The following RTL1 variants were observed in gnomAD, a reference collection of about 807,000 sequenced individuals.
RTL1 encodes retrotransposon Gag like 1, also known as retrotransposon-like protein 1.
For synonymous variants in RTL1, 727 were observed against 748.4 expected (o/e 0.97, Z 0.47); for missense variants, 1,681 against 1,767.5 (o/e 0.95, Z 0.88).
intron 3 of RTL1, among the ~76,000 whole-genome samples, chr14:100,892,550 G>T (rs567567697): frequency 2.6e-5 from 4 of 152,332 alleles, no homozygotes; most frequent in Admixed American, 2.6e-4. Context: ...AGCATTTCAT[G>T]CATGGTGTCA....
At position 100,880,749 on chromosome 14, in the gene RTL1, T is replaced by C; in HGVS notation, c.4040A>G (p.Glu1347Gly). 1 of 1,550,858 alleles carries C rather than the reference T, an allele frequency of 6.4e-7. No individual in the cohort carries two copies. The highest frequency in any genetic ancestry group is 1.2e-5 in the South Asian group (1 of 84,054). Residue 1347 changes from glutamate (E) to glycine (G), a missense_variant, in exon 4 of 4, where the codon GAG becomes GGG. By Grantham distance (98) the Glu-to-Gly change is moderately conservative. Transcript: ENST00000649591. ...SQPREQARLE[E>G]LPDEDEDANL... The stretch of plus-strand genomic sequence containing the variant: ...AGCATCTTCGTCCTCATCAGGCAGC[T>C]CTTCTAGCCTTGCCTGCTCCCTGGG...
In RTL1 at chr14:100,883,707, A is replaced by C; in HGVS notation, c.1082T>G (p.Leu361Arg). 1 of 1,551,604 alleles carries C rather than the reference A, an allele frequency of 6.4e-7. No individual in the cohort carries two copies. Among genetic ancestry groups the C allele is most frequent in the Non-Finnish European group, 8.7e-7 (1 of 1,146,984 alleles). Residue 361 changes from leucine to arginine, a missense_variant, in exon 4 of 4, where the codon CTG becomes CGG. By Grantham distance (102) the Leu-to-Arg change is moderately radical (BLOSUM62 -2). Coordinates refer to ENST00000649591, the MANE Select transcript of RTL1 (RefSeq NM_001134888.3). This position sits in a 1 kb window ranked among gnomAD's most constrained non-coding sequence, Gnocchi z 5.9. ...CCTGAGCATAGCTCTTCTCTCTGCC[A>C]GCTTCTCTTCTATTTGCAGGATGAG... ...IVLILQIEEK[L>R]AERRAMLRLP...
At chr14:100,897,194 A>T (rs929985779) in intron 2 of RTL1, among the ~76,000 whole-genome samples, 2 of 152,216 alleles carry the variant, frequency 1.3e-5, no homozygotes, top group Non-Finnish European at 2.9e-5. Flanking sequence ...GTGTCTGCAG[A>T]ACTTGCTCTG....
In RTL1 at chr14:100,882,653, A is replaced by G. The variant is rs1341453619; in HGVS notation, c.2136T>C (p.Pro712=). Residue 712 remains proline (P), a synonymous_variant, in exon 4 of 4, where the codon CCT becomes CCC. Coordinates refer to ENST00000649591, the MANE Select transcript of RTL1 (RefSeq NM_001134888.3). ...PFALSPDPII[P]QNVIHFILKD... ...TTAGGATGAAGTGAATCACGTTCTGAGGTATGATAGGGTCTGGGGAGAGCG... is the reference window on the plus strand; with the variant it reads ...TTAGGATGAAGTGAATCACGTTCTGGGGTATGATAGGGTCTGGGGAGAGCG... The G allele has an allele frequency of 3.9e-6, 6 of 1,551,930 alleles. No individual in the cohort carries two copies. The South Asian group carries it at 7.1e-5, about 18-fold the overall frequency.
chr14:100,883,172 C>A lies in RTL1; in HGVS notation c.1617G>T (p.Pro539=). The change falls in exon 4 of 4, where the codon CCG becomes CCT. Residue 539 remains proline (P), a synonymous_variant. Transcript: ENST00000649591. This position sits in a 1 kb window ranked among gnomAD's most constrained non-coding sequence, Gnocchi z 5.9. ...YCLKNCFRPP[P]PCIALERHGM... is the part of the protein sequence containing the mutation. ...CGTGCCTCTCTAGGGCAATGCATGG[C>A]GGGGGCGGGCGGAAGCAGTTCTTCA... The A allele has an allele frequency of 6.3e-7, 1 of 1,581,080 alleles. No individual in the cohort carries two copies. Among genetic ancestry groups the A allele is most frequent in the South Asian group, 1.1e-5 (1 of 87,870 alleles).
At chr14:100,902,390 A>G (rs1244188249) in intron 2 of RTL1, among the ~76,000 whole-genome samples, 2 of 152,156 alleles carry the variant, frequency 1.3e-5, no homozygotes, top group Non-Finnish European at 2.9e-5. Flanking sequence ...CCTGGGACAG[A>G]GCCCTTTGCC....
chr14:100,901,324 T>C (rs1403061337), intron 2 of RTL1, among the ~76,000 whole-genome samples: 1 of 152,190 alleles, frequency 6.6e-6, no homozygotes, highest in African/African-American at 2.4e-5. Flanking sequence ...CACACACACA[T>C]GCTGAGTGCC....
At chr14:100,898,899 C>G (rs1219224955) in intron 2 of RTL1, 1 of 152,254 alleles carries the variant, frequency 6.6e-6, no homozygotes, top group Non-Finnish European at 1.5e-5. Context: ...TTGCATTTTT[C>G]TAGAATTGAT....
chr14:100,882,005 C>A lies in RTL1; in HGVS notation c.2784G>T (p.Arg928=). Residue 928 remains arginine, a synonymous_variant, in exon 4 of 4, where the codon CGG becomes CGT. Transcript: ENST00000649591. ...SQAEMKILPI[R]AAFMVWCRYL... ...AGCGGCACCACACCATGAAGGCAGC[C>A]CGTATTGGAAGAATCTTCATCTCCG... is the stretch of plus-strand genomic sequence containing the variant. 6.2e-7 allele frequency: 1 copy of A among 1,613,560 alleles called. No individual in the cohort carries two copies. The highest frequency in any genetic ancestry group is 8.5e-7 in the Non-Finnish European group (1 of 1,179,814).
chr14:100,896,751 A>G (rs559971539), intron 2 of RTL1, among the ~76,000 whole-genome samples: 2 of 152,270 alleles, frequency 1.3e-5, no homozygotes, highest in Non-Finnish European at 2.9e-5. Flanking sequence ...AGTCGGGAAG[A>G]AACATGGCAG....
At position 100,880,646 on chromosome 14, in the gene RTL1, G is replaced by T; in HGVS notation, c.*66C>A. ...AGCAGGCTGAGGCGCGGGGAGGCCA[G>T]GGGACGTCGGGAGGTGTTGGGGTGA... On this transcript the variant is annotated 3_prime_UTR_variant, in exon 4 of 4. Transcript: ENST00000649591. 6.5e-7 allele frequency: 1 copy of T among 1,538,668 alleles called. No individual in the cohort carries two copies. The highest frequency in any genetic ancestry group is 1.2e-5 in the South Asian group (1 of 81,726).
chr14:100,901,898 A>G (rs572048148), intron 2 of RTL1, among the ~76,000 whole-genome samples: 23 of 152,300 alleles, frequency 1.5e-4, no homozygotes, highest in African/African-American at 5.1e-4. Flanking sequence ...GCCCAGGGCA[A>G]GCTACTCGGG....
intron 2 of RTL1, among the ~76,000 whole-genome samples, chr14:100,897,296 A>T (rs906821713): frequency 5.9e-5 from 9 of 152,224 alleles, no homozygotes; most frequent in Non-Finnish European, 1.0e-4. Context: ...CCACAGGCGA[A>T]CAAGCAAATT....
chr14:100,879,838 C>T lies in RTL1; in HGVS notation c.*874G>A, dbSNP rs2038581766. ...GGTGGGGAAGGGTCTACTCCCCTTG[C>T]AAAGCGGTGGTGTGGCCAGAGCCTC... On this transcript the variant is annotated 3_prime_UTR_variant, in exon 4 of 4. Transcript: ENST00000649591. Among the ~76,000 whole-genome samples the T allele has an allele frequency of 6.6e-6, 1 of 151,884 alleles. No individual in the cohort carries two copies. Among genetic ancestry groups the T allele is most frequent in the Non-Finnish European group, 1.5e-5 (1 of 67,984 alleles).
In RTL1 at chr14:100,883,517, C is replaced by A. The variant is rs763881276; in HGVS notation, c.1272G>T (p.Ala424=). The A allele has an allele frequency of 1.3e-6, 2 of 1,551,358 alleles. No individual in the cohort carries two copies. The highest frequency in any genetic ancestry group is 1.7e-6 in the Non-Finnish European group (2 of 1,146,986). Residue 424 remains alanine, a synonymous_variant, in exon 4 of 4, where the codon GCG becomes GCT. Coordinates refer to ENST00000649591, the MANE Select transcript of RTL1 (RefSeq NM_001134888.3). This position sits in a 1 kb window ranked among gnomAD's most constrained non-coding sequence, Gnocchi z 5.9. ...CTCCCGAATCCACCAGGGCCTGGAC[C>A]GCGACGCTGTGGTAGGGGTTCACTC... ...MVRVNPYHSV[A]VQALVDSGAD...
rs546784730 is a variant in RTL1, at chr14:100,881,548, G to A, written c.3241C>T (p.Arg1081Ter). The change falls in exon 4 of 4, where the codon CGA becomes TGA. Residue 1081 changes from arginine (R) to a stop codon, truncating the protein, a stop_gained. Transcript: ENST00000649591. LOFTEE classifies it low-confidence loss of function (END_TRUNC). The surrounding 1 kb of genome is among the most constrained non-coding windows in gnomAD (Gnocchi z 6.6). ...QIRAVILHFF[R>*]GLLYWKNTLA... ...GTGTTCTTCCAGTACAGGAGGCCTC[G>A]GAAGAAGTGCAGAATGACGGCCCTG... 3.2e-6 allele frequency: 5 copies of A among 1,551,756 alleles called. No individual in the cohort carries two copies. Among genetic ancestry groups the A allele is most frequent in the African/African-American group, 2.7e-5 (2 of 73,186 alleles).
chr14:100,885,697 TCTC>T (rs2038688603), intron 3 of RTL1, among the ~76,000 whole-genome samples: 2 of 152,152 alleles, frequency 1.3e-5, no homozygotes, highest in African/African-American at 4.8e-5. Flanking sequence ...CTTCAAATAA[TCTC>T]CTTCTCTTCC....
At chr14:100,891,536 C>T (rs1465303477) in intron 3 of RTL1, among the ~76,000 whole-genome samples, 1 of 152,216 alleles carries the variant, frequency 6.6e-6, no homozygotes, top group African/African-American at 2.4e-5. Flanking sequence ...TGCCTGGGCC[C>T]AGCAGCGCTC....
At position 100,883,718 on chromosome 14, in the gene RTL1, T is replaced by C. The variant is rs1249140621; in HGVS notation, c.1071A>G (p.Ile357Met). ...CTCTTCTCTCTGCCAGCTTCTCTTC[T>C]ATTTGCAGGATGAGCACAATCAGAC... The part of the protein sequence containing the change: ...LDSLIVLILQ[I>M]EEKLAERRAM... The change falls in exon 4 of 4, where the codon ATA (isoleucine) becomes ATG (methionine). Residue 357 changes from isoleucine to methionine, a missense_variant. Coordinates refer to ENST00000649591, the MANE Select transcript of RTL1 (RefSeq NM_001134888.3). The surrounding 1 kb of genome is among the most constrained non-coding windows in gnomAD (Gnocchi z 5.9). 7 of 1,551,588 alleles carry C rather than the reference T, an allele frequency of 4.5e-6. No homozygotes were observed. The highest frequency in any genetic ancestry group is 1.7e-4 in the Middle Eastern group (1 of 5,992).
Sources: allele counts gnomAD v4.1 joint callset (sites outside exome capture counted in the v4.1 genomes callset), GRCh38; gene constraint gnomAD v4.1.1; non-coding constraint Gnocchi (gnomAD v3.1); transcripts MANE v1.5; gene names NCBI Gene and HGNC (gene_info 2026-07-23, HGNC 2026-07-21).